The following CRHBP variants were observed in gnomAD, a reference collection of about 807,000 sequenced individuals.
The protein encoded by CRHBP is corticotropin-releasing hormone-binding protein.
In CRHBP, 19 loss-of-function variants were observed where a neutral mutation model predicts 34.9. The observed-to-expected ratio is 0.55, with a 90% CI of 0.38 to 0.80. The LOEUF is 0.80. CRHBP is among the 30% of genes least tolerant of loss of function. The pLI, the probability that CRHBP is intolerant of heterozygous loss-of-function variation, is 0.00. For missense variants in CRHBP, 328 were observed against 409.2 expected (o/e 0.80, Z 1.71); for synonymous variants, 154 against 153.4 (o/e 1.00, Z -0.03).
At chr5:76,969,804 A>G (rs947752068), downstream of CRHBP, among the ~76,000 whole-genome samples, 1 of 152,152 alleles carries the variant, frequency 6.6e-6, no homozygotes, top group Non-Finnish European at 1.5e-5. Flanking sequence ...AGAAATCTGA[A>G]TACTTCTTTG....
chr5:76,973,596 C>T (rs1745979238), downstream of CRHBP, among the ~76,000 whole-genome samples: 2 of 152,180 alleles, frequency 1.3e-5, no homozygotes, highest in South Asian at 2.1e-4. Context: ...TAGTTTAAAA[C>T]ATTCATTAGT....
downstream of CRHBP, among the ~76,000 whole-genome samples, chr5:76,969,688 G>A (rs564640022): frequency 1.1e-4 from 16 of 152,314 alleles, no homozygotes; most frequent in South Asian, 1.7e-3. Flanking sequence ...GGAAGCGGGT[G>A]CAGAGATTCA....
chr5:76,979,978 G>A (rs113304658), intron 3 of CRHBP, among the ~76,000 whole-genome samples: 2,275 of 152,076 alleles, frequency 0.015, 61 homozygotes, highest in African/African-American at 0.052. Context: ...CCGGCCGGGC[G>A]CGGTGGCTCA....
chr5:76,962,511 G>A (rs1250917920), intron 5 of CRHBP, among the ~76,000 whole-genome samples: 2 of 151,922 alleles, frequency 1.3e-5, no homozygotes, highest in African/African-American at 4.8e-5. Flanking sequence ...GGGTGAGGTG[G>A]CTCACACCTG....
At chr5:76,956,483 C>A (rs1156523921) in intron 4 of CRHBP, among the ~76,000 whole-genome samples, 1 of 152,246 alleles carries the variant, frequency 6.6e-6, no homozygotes, top group African/African-American at 2.4e-5. Context: ...CGCCTGTAAT[C>A]CCAGCACTTT....
intron 3 of CRHBP, among the ~76,000 whole-genome samples, chr5:76,977,580 T>A (rs1404334205): frequency 6.6e-6 from 1 of 152,236 alleles, no homozygotes; most frequent in South Asian, 2.1e-4. Context: ...AGTGAACTTA[T>A]GGATAAATGT....
chr5:76,954,243 G>C, intron 3 of CRHBP, 57 bp downstream of exon 3: 1 of 1,576,502 alleles, frequency 6.3e-7, no homozygotes. Context: ...GGGTTGGAAA[G>C]GGCTGGGGCG....
rs200414648 is a variant in CRHBP, at chr5:76,958,751, C to G, written c.555C>G (p.Val185=). ...TTCTTTTCTACAAAGCTTGCAATGT[C>G]ATTTCTCAGACTCCAAATGGAAAGT... ...KTDPNLFPCN[V]ISQTPNGKFT... Residue 185 remains valine, a synonymous_variant, in exon 5 of 7, where the codon GTC becomes GTG. Transcript: ENST00000274368. 1 of 1,606,420 alleles carries G rather than the reference C, an allele frequency of 6.2e-7. No homozygotes were observed. The highest frequency in any genetic ancestry group is 8.5e-7 in the Non-Finnish European group (1 of 1,178,244).
chr5:76,954,278 G>T, intron 3 of CRHBP, 92 bp downstream of exon 3: 1 of 1,455,516 alleles, frequency 6.9e-7, no homozygotes, highest in East Asian at 2.3e-5. Flanking sequence ...GGGCTGCTGA[G>T]CGTAGGTAGC....
chr5:76,959,085 A>G, intron 5 of CRHBP, 196 bp downstream of exon 5: 1 of 512,500 alleles, frequency 2.0e-6, no homozygotes, highest in East Asian at 3.2e-5. Flanking sequence ...GGCAAGTTGC[A>G]TACTCAGGTG....
intron 3 of CRHBP, 62 bp from the exon 4 acceptor site, chr5:76,955,591 C>T (rs367906680): frequency 3.3e-6 from 5 of 1,495,676 alleles, no homozygotes; most frequent in South Asian, 2.4e-5. Context: ...CCCTTTTCAA[C>T]TCATTTCAGA....
rs1245116090 is a variant in CRHBP at position 76,963,536 on chromosome 5, A to G, written c.811+76A>G. Reference sequence around the variant, plus strand: ...AATAAGCACTCCCCTAATATTTTCTACATTGGAAGGTGAGTTTCGCCAAAA... The same window carrying G: ...AATAAGCACTCCCCTAATATTTTCTGCATTGGAAGGTGAGTTTCGCCAAAA... On this transcript the variant is annotated intron_variant, in intron 6 of 6. Transcript: ENST00000274368. 5 of 1,309,990 alleles carry G rather than the reference A, an allele frequency of 3.8e-6. No individual in the cohort carries two copies. The African/African-American group carries it at 4.4e-5, about 12-fold the overall frequency. 81.1% of individuals were successfully genotyped at this position (1,309,990 alleles called of 1,614,324 possible).
chr5:76,953,841 CGGAGGCGCGCCAGGAGCGGGAGA>C lies in CRHBP; in HGVS notation c.175+150_176-163del, dbSNP rs1245370367. 24 of 1,170,876 alleles carry C rather than the reference CGGAGGCGCGCCAGGAGCGGGAGA, an allele frequency of 2.0e-5. No individual in the cohort carries two copies. The East Asian group carries it at 6.3e-4, about 31-fold the overall frequency. 72.5% of individuals were successfully genotyped at this position (1,170,876 alleles called of 1,614,324 possible). A position where few individuals can be genotyped will look rare whatever the true frequency, so the allele number is the denominator to read the frequency against. Reference sequence around the variant, plus strand: ...GTCCCCTTAGCTAAGGATCGGTCCGCGGAGGCGCGCCAGGAGCGGGAGAGGGTGGCGCGCCCGGGGCGCAGGAA... The same window carrying C: ...GTCCCCTTAGCTAAGGATCGGTCCGCGGGTGGCGCGCCCGGGGCGCAGGAA... On this transcript the variant is annotated intron_variant, in intron 2 of 6. Transcript: ENST00000274368.
At chr5:76,978,106 G>A (rs1437047641) in intron 3 of CRHBP, among the ~76,000 whole-genome samples, 1 of 152,142 alleles carries the variant, frequency 6.6e-6, no homozygotes, top group Admixed American at 6.5e-5. Context: ...GCTAGCAGAG[G>A]TTGCTTCATG....
intron 3 of CRHBP, among the ~76,000 whole-genome samples, chr5:76,979,666 T>G (rs1746089648): frequency 6.6e-6 from 1 of 152,158 alleles, no homozygotes; most frequent in Non-Finnish European, 1.5e-5. Flanking sequence ...TATTTTAAAT[T>G]AAGGTATGTA....
intron 6 of CRHBP, among the ~76,000 whole-genome samples, chr5:76,966,088 G>T (rs1435357688): frequency 6.6e-6 from 1 of 152,048 alleles, no homozygotes; most frequent in Non-Finnish European, 1.5e-5. Context: ...GTGCGATCTC[G>T]GCTCACCGCA....
chr5:76,960,381 T>G (rs1301358397), intron 5 of CRHBP, among the ~76,000 whole-genome samples: 1 of 152,092 alleles, frequency 6.6e-6, no homozygotes, highest in Non-Finnish European at 1.5e-5. Context: ...TAAAACAGCT[T>G]CAGGGAGATG....
intron 2 of CRHBP, among the ~76,000 whole-genome samples, chr5:76,975,676 T>C (rs1746013582): frequency 6.6e-6 from 1 of 150,392 alleles, no homozygotes; most frequent in Admixed American, 6.6e-5. Context: ...TGGTTGTGCG[T>C]GCCTGTAATC....
intron 3 of CRHBP, among the ~76,000 whole-genome samples, chr5:76,977,463 CATT>C (rs1746056983): frequency 6.6e-6 from 1 of 152,114 alleles, no homozygotes; most frequent in Non-Finnish European, 1.5e-5. Context: ...CAAGCTTTTT[CATT>C]ATTATCATAG....
Sources: allele counts gnomAD v4.1 joint callset (sites outside exome capture counted in the v4.1 genomes callset), GRCh38; gene constraint gnomAD v4.1.1; transcripts MANE v1.5; gene names NCBI Gene and HGNC (gene_info 2026-07-23, HGNC 2026-07-21).